SPTSSA: variants seen among roughly 807,000 people sequenced by gnomAD.
SPTSSA encodes the protein small subunit of serine palmitoyltransferase A.
Under a neutral mutation model 9.1 loss-of-function variants are expected in SPTSSA, and 8 were observed. That is an observed-to-expected ratio of 0.88 (90% CI 0.51 to 1.58). The LOEUF (loss-of-function observed/expected upper bound fraction) is 1.58. SPTSSA is among the 40% of genes most tolerant of loss of function. SPTSSA has a pLI of 0.00. For synonymous variants in SPTSSA, 42 were observed against 37.7 expected, an observed-to-expected ratio of 1.11 and a Z score of -0.41; for missense variants, 100 against 93.8, an observed-to-expected ratio of 1.07 and a Z score of -0.27.
chr14:34,435,751 T>A (rs28537265), intron 1 of SPTSSA, among the ~76,000 whole-genome samples: 35,810 of 149,944 alleles, frequency 0.24, 4,493 homozygotes, highest in Middle Eastern at 0.38. Context: ...TGTCTTAGCC[T>A]CCTGAGTAGC....
At chr14:34,460,673 T>C (rs1878600985) in intron 1 of SPTSSA, among the ~76,000 whole-genome samples, 2 of 152,162 alleles carry the variant, frequency 1.3e-5, no homozygotes, top group African/African-American at 2.4e-5. Context: ...TTAAATTAAT[T>C]TTAGGATGTG....
chr14:34,450,005 G>A (rs961663931), intron 1 of SPTSSA, among the ~76,000 whole-genome samples: 2 of 152,136 alleles, frequency 1.3e-5, no homozygotes, highest in Non-Finnish European at 2.9e-5. Context: ...AGCACTGTAG[G>A]AGACCCAGGT....
chr14:34,451,739 T>A (rs1225390385), intron 1 of SPTSSA, among the ~76,000 whole-genome samples: 1,610 of 137,314 alleles, frequency 0.012, 38 homozygotes, highest in African/African-American at 0.04. Context: ...AAAAAAAAAA[T>A]CAATTCTAAA....
intron 1 of SPTSSA, among the ~76,000 whole-genome samples, chr14:34,457,313 CA>C (rs79322977): frequency 0.27 from 41,471 of 151,882 alleles, 6,962 homozygotes; most frequent in African/African-American, 0.48. Context: ...CAACGTTATC[CA>C]AGTGAGGTAC....
Position 34,443,181 on chromosome 14 carries a change from TGA to T in SPTSSA, c.113-7879_113-7878del, listed in dbSNP as rs1375114264. Among the ~76,000 whole-genome samples the T allele has an allele frequency of 2.5e-4, 12 of 48,626 alleles. 2 individuals are homozygous for T. The highest frequency in any genetic ancestry group is 2.0e-3 in the African/African-American group (12 of 6,118). 31.9% of individuals were successfully genotyped at this position (48,626 alleles called of 152,430 possible). On this transcript the variant is annotated intron_variant, in intron 1 of 1. Coordinates refer to ENST00000298130, the MANE Select transcript of SPTSSA (RefSeq NM_138288.4). ...TGTGTGTGTGTGTGTGTTTTGAGATTGAGTTTTCCTCTAGGGGGTGTGTGTGT... is the reference window on the plus strand; with the variant it reads ...TGTGTGTGTGTGTGTGTTTTGAGATTGTTTTCCTCTAGGGGGTGTGTGTGT...
Position 34,448,340 on chromosome 14 carries a change from G to A in SPTSSA, c.113-13036C>T, listed in dbSNP as rs113845311. 5.4e-3 allele frequency among the ~76,000 whole-genome samples: 827 copies of A among 152,170 alleles called. 4 individuals carry two copies. The highest frequency in any genetic ancestry group is 0.018 in the African/African-American group (767 of 41,512). On this transcript the variant is annotated intron_variant, in intron 1 of 1. Coordinates refer to ENST00000298130, the MANE Select transcript of SPTSSA (RefSeq NM_138288.4). ...CCAATAGGTAGGGACTAGGCCTCAA[G>A]GCAGCATGAAGTAGTTACAGAAAAA...
chr14:34,458,503 A>ATT (rs199889448), intron 1 of SPTSSA, among the ~76,000 whole-genome samples: 84 of 140,798 alleles, frequency 6.0e-4, no homozygotes, highest in East Asian at 1.6e-3. Flanking sequence ...CTTTCTTTTT[A>ATT]TTTTTTTTTT....
chr14:34,452,128 A>G (rs1411900781), intron 1 of SPTSSA, among the ~76,000 whole-genome samples: 1 of 151,666 alleles, frequency 6.6e-6, no homozygotes, highest in African/African-American at 2.4e-5. Flanking sequence ...GCACACCTGT[A>G]TTCCCAGCTA....
Position 34,451,462 on chromosome 14 carries a change from A to G in SPTSSA, c.112+10634T>C, listed in dbSNP as rs367836717. Among the ~76,000 whole-genome samples, 548 of 152,214 alleles carry G rather than the reference A, an allele frequency of 3.6e-3. 2 individuals are homozygous for G. Among genetic ancestry groups the G allele is most frequent in the East Asian group, 0.017 (89 of 5,182 alleles). On this transcript the variant is annotated intron_variant, in intron 1 of 1. Coordinates refer to ENST00000298130, the MANE Select transcript of SPTSSA (RefSeq NM_138288.4). ...TTCTAGGCTGGGCGCGGTAGCTCAC[A>G]CCTGTAATCCCAGCACTTTGGGAGG...
chr14:34,450,066 A>T (rs919267109), intron 1 of SPTSSA, among the ~76,000 whole-genome samples: 3 of 152,184 alleles, frequency 2.0e-5, no homozygotes, highest in Non-Finnish European at 4.4e-5. Context: ...CTCTAACACT[A>T]GTCTCCTTAT....
intron 1 of SPTSSA, among the ~76,000 whole-genome samples, chr14:34,460,906 TAATA>T (rs1169776641): frequency 2.6e-5 from 4 of 152,120 alleles, no homozygotes; most frequent in Non-Finnish European, 4.4e-5. Flanking sequence ...ATGCCAACAG[TAATA>T]AATAAATAAA....
At chr14:34,456,614 T>A (rs1401424715) in intron 1 of SPTSSA, among the ~76,000 whole-genome samples, 1 of 151,590 alleles carries the variant, frequency 6.6e-6, no homozygotes, top group Non-Finnish European at 1.5e-5. Flanking sequence ...AAAACAAGAT[T>A]AGGCCAGGCG....
chr14:34,433,612 A>G lies in SPTSSA; in HGVS notation c.*1589T>C, dbSNP rs192591797. 4.0e-4 allele frequency: 61 copies of G among 152,300 alleles called. No homozygotes were observed. Among genetic ancestry groups the G allele is most frequent in the Middle Eastern group, 6.8e-3 (2 of 294 alleles). The allele number at this position is 152,300 out of a possible 1,614,324, so 9.4% of individuals were successfully genotyped here. A position where few individuals can be genotyped will look rare whatever the true frequency, so the allele number is the denominator to read the frequency against. ...ATATTAAACACATATATATTACTTGAGACCTCTAGACTATAAAATACTTCA... is the reference window on the plus strand; with the variant it reads ...ATATTAAACACATATATATTACTTGGGACCTCTAGACTATAAAATACTTCA... On this transcript the variant is annotated 3_prime_UTR_variant, in exon 2 of 2. Transcript: ENST00000298130.
intron 1 of SPTSSA, among the ~76,000 whole-genome samples, chr14:34,436,585 T>C (rs1594616088): frequency 6.6e-6 from 1 of 152,226 alleles, no homozygotes; most frequent in South Asian, 2.1e-4. Flanking sequence ...AGGGTTTAAA[T>C]AAACAATGTG....
chr14:34,457,403 G>T (rs1317192042), intron 1 of SPTSSA, among the ~76,000 whole-genome samples: 1 of 152,198 alleles, frequency 6.6e-6, no homozygotes, highest in African/African-American at 2.4e-5. Flanking sequence ...TGGGATGCCA[G>T]TAGGGAAAGG....
At chr14:34,443,328 A>G (rs1883360339) in intron 1 of SPTSSA, among the ~76,000 whole-genome samples, 1 of 37,562 alleles carries the variant, frequency 2.7e-5, no homozygotes, top group African/African-American at 1.5e-4. Context: ...GGTTCAAGCG[A>G]TTCTCCTGCT....
At chr14:34,441,456 T>C (rs888348302) in intron 1 of SPTSSA, among the ~76,000 whole-genome samples, 1 of 152,252 alleles carries the variant, frequency 6.6e-6, no homozygotes, top group African/African-American at 2.4e-5. Context: ...TTGTGGAGTG[T>C]ACTTTCATTT....
At chr14:34,448,806 T>C (rs1250424870) in intron 1 of SPTSSA, among the ~76,000 whole-genome samples, 1 of 152,120 alleles carries the variant, frequency 6.6e-6, no homozygotes, top group Non-Finnish European at 1.5e-5. Context: ...GAGACCAGCC[T>C]GGGCAACATG....
intron 1 of SPTSSA, 59 bp downstream of exon 1, chr14:34,462,037 G>A: frequency 2.6e-6 from 3 of 1,174,324 alleles, no homozygotes; most frequent in Non-Finnish European, 3.2e-6. Context: ...CTGGGGAAAT[G>A]CGGCCCCGCG....
Sources: allele counts gnomAD v4.1 joint callset (sites outside exome capture counted in the v4.1 genomes callset), GRCh38; gene constraint gnomAD v4.1.1; transcripts MANE v1.5; gene names NCBI Gene and HGNC (gene_info 2026-07-23, HGNC 2026-07-21).